The following TMEM120A variants were observed in gnomAD, a reference collection of about 807,000 sequenced individuals.
TMEM120A encodes transmembrane protein 120A, also known as ion channel TACAN.
TMEM120A carries 45 observed loss-of-function variants against 54.3 expected under a neutral mutation model. That is an observed-to-expected ratio of 0.83 (90% CI 0.65 to 1.06). TMEM120A has a LOEUF of 1.06. TMEM120A is among the 50% of genes least tolerant of loss of function. TMEM120A has a pLI of 0.00. For missense variants in TMEM120A, 424 were observed against 441.7 expected (o/e 0.96, Z 0.36); for synonymous variants, 204 against 178.5 (o/e 1.14, Z -1.14).
chr7:75,987,873 C>T, intron 8 of TMEM120A, 50 bp downstream of exon 8: 1 of 1,598,074 alleles, frequency 6.3e-7, no homozygotes, highest in Non-Finnish European at 8.5e-7. Context: ...TGCCCCTGCC[C>T]CCCACCACGG....
Position 75,986,873 on chromosome 7 carries a change from GAGT to G in TMEM120A, c.*296_*298del. ...TTTCTGTATTTGCCTGGTATTGTGTGAGTAGATCTGGGACCTCCACCTGCATCA... is the reference window on the plus strand; with the variant it reads ...TTTCTGTATTTGCCTGGTATTGTGTGAGATCTGGGACCTCCACCTGCATCA... On this transcript the variant is annotated 3_prime_UTR_variant, in exon 12 of 12. Transcript: ENST00000493111. The G allele has an allele frequency of 1.7e-6, 1 of 582,798 alleles. No individual in the cohort carries two copies. Among genetic ancestry groups the G allele is most frequent in the Non-Finnish European group, 3.0e-6 (1 of 330,296 alleles). 36.1% of individuals were successfully genotyped at this position (582,798 alleles called of 1,614,324 possible).
chr7:75,988,516 C>G lies in TMEM120A; in HGVS notation c.378G>C (p.Lys126Asn). The G allele has an allele frequency of 1.2e-6, 2 of 1,603,706 alleles. No individual in the cohort carries two copies. The highest frequency in any genetic ancestry group is 1.7e-6 in the Non-Finnish European group (2 of 1,177,446). Residue 126 changes from lysine to asparagine, a missense_variant and splice_region_variant, in exon 5 of 12, where the codon AAG becomes AAC. By Grantham distance (94) the Lys-to-Asn change is moderately conservative. Coordinates refer to ENST00000493111, the MANE Select transcript of TMEM120A (RefSeq NM_031925.3). ...VNVTLLSKQA[K>N]FAYKDEYEKF... ...TCTCATACTCGTCCTTGTAGGCAAA[C>G]CTGGGGGGCGCAGGCCGGTGAGACG... is the stretch of plus-strand genomic sequence containing the variant.
At chr7:75,991,953 G>A (rs570425030) in intron 3 of TMEM120A, among the ~76,000 whole-genome samples, 191 bp downstream of exon 3, 34 of 152,306 alleles carry the variant, frequency 2.2e-4, no homozygotes, top group South Asian at 1.2e-3. Flanking sequence ...CATTCCCCAT[G>A]CTACAAAGCA....
Position 75,994,538 on chromosome 7 carries a change from G to A in TMEM120A, c.33C>T (p.Asp11=), listed in dbSNP as rs782345653. The change falls in exon 1 of 12, where the codon GAC becomes GAT. Residue 11 remains aspartate (D), a synonymous_variant. Transcript: ENST00000493111. ...GTAGATCCTCCCAGTCCCGCAGGCA[G>A]TCGCCCAGCGGGCCCGGGGGCGGGG... MQPPPPGPLG[D]CLRDWEDLQQ... 2.6e-6 allele frequency: 4 copies of A among 1,561,672 alleles called. No homozygotes were observed. Among genetic ancestry groups the A allele is most frequent in the Non-Finnish European group, 3.5e-6 (4 of 1,154,656 alleles).
At position 75,987,124 on chromosome 7, in the gene TMEM120A, AAC is replaced by A; in HGVS notation, c.*46_*47del. 3 of 1,497,574 alleles carry A rather than the reference AAC, an allele frequency of 2.0e-6. No homozygotes were observed. The highest frequency in any genetic ancestry group is 2.7e-6 in the Non-Finnish European group (3 of 1,096,336). 92.8% of individuals were successfully genotyped at this position (1,497,574 alleles called of 1,614,324 possible). A position where few individuals can be genotyped will look rare whatever the true frequency, so the allele number is the denominator to read the frequency against. ...AGGGGCGCCTCCCATCCCCTCCCAC[AAC>A]ACACAGGACAGAAGCCCCTCTGGGC... On this transcript the variant is annotated 3_prime_UTR_variant, in exon 12 of 12. Coordinates refer to ENST00000493111, the MANE Select transcript of TMEM120A (RefSeq NM_031925.3).
chr7:75,993,414 A>T (rs782584887), intron 1 of TMEM120A, among the ~76,000 whole-genome samples: 1 of 152,222 alleles, frequency 6.6e-6, no homozygotes, highest in Non-Finnish European at 1.5e-5. Flanking sequence ...AGGATTCCCC[A>T]AGCACTTTGC....
chr7:75,992,388 GC>G, intron 2 of TMEM120A, 50 bp downstream of exon 2: 1 of 1,570,326 alleles, frequency 6.4e-7, no homozygotes, highest in South Asian at 1.1e-5. Context: ...CACAGCGCCA[GC>G]CCTCCCACCC....
At chr7:75,989,144 G>C (rs782627303) in intron 4 of TMEM120A, 21 bp downstream of exon 4, 4 of 1,365,338 alleles carry the variant, frequency 2.9e-6, no homozygotes, top group Admixed American at 4.1e-5. Flanking sequence ...AGGTTGGGGG[G>C]TGGAGGCTCG....
chr7:75,991,952 T>C (rs1479004923), intron 3 of TMEM120A, among the ~76,000 whole-genome samples, 192 bp downstream of exon 3: 5 of 152,180 alleles, frequency 3.3e-5, no homozygotes, highest in Middle Eastern at 3.2e-3. Context: ...TCATTCCCCA[T>C]GCTACAAAGC....
rs781833166 is a variant in TMEM120A, at chr7:75,992,233, G to T, written c.228C>A (p.Ala76=). 2 of 1,611,134 alleles carry T rather than the reference G, an allele frequency of 1.2e-6. No individual in the cohort carries two copies. The highest frequency in any genetic ancestry group is 1.7e-6 in the Non-Finnish European group (2 of 1,178,728). The change falls in exon 3 of 12, where the codon GCC becomes GCA. Residue 76 remains alanine (A), a synonymous_variant. Transcript: ENST00000493111. ...TCTCCAGCTCCTGTGCGGCCCCCTC[G>T]GCCTCTGCTGGGAGGGAGGGTTTGC... ...KKCKPSLPAE[A]EGAAQELENQ... is the part of the protein sequence containing the mutation.
intron 9 of TMEM120A, 43 bp from the exon 10 acceptor site, chr7:75,987,645 G>A (rs1554560235): frequency 1.9e-6 from 3 of 1,604,776 alleles, no homozygotes; most frequent in Admixed American, 1.7e-5. Flanking sequence ...CAGGGACAGA[G>A]GGGACGCTAC....
chr7:75,989,345 G>A (rs1453017288), intron 3 of TMEM120A, 121 bp from the exon 4 acceptor site: 46 of 710,128 alleles, frequency 6.5e-5, no homozygotes, highest in East Asian at 1.7e-4. Context: ...GCTGCTTTCC[G>A]CAGGGCCTTG....
intron 3 of TMEM120A, among the ~76,000 whole-genome samples, chr7:75,990,789 C>G (rs1789812926): frequency 6.6e-6 from 1 of 151,338 alleles, no homozygotes; most frequent in Non-Finnish European, 1.5e-5. Flanking sequence ...ATCCCAGCTA[C>G]TCCGGAGGCT....
At chr7:75,992,798 G>GTGTTTT (rs572837198) in intron 1 of TMEM120A, among the ~76,000 whole-genome samples, 10 of 152,206 alleles carry the variant, frequency 6.6e-5, no homozygotes, top group East Asian at 3.9e-4. Flanking sequence ...AACAGACTAG[G>GTGTTTT]TGTTTTTGTT....
In TMEM120A at chr7:75,987,971, T is replaced by C. The variant is rs782158646; in HGVS notation, c.643A>G (p.Met215Val). The C allele has an allele frequency of 2.1e-5, 33 of 1,601,696 alleles. No homozygotes were observed. The highest frequency in any genetic ancestry group is 2.4e-5 in the Non-Finnish European group (28 of 1,174,808). The change falls in exon 8 of 12, where the codon ATG becomes GTG. Residue 215 changes from methionine to valine, a missense_variant. Met to Val is a conservative substitution (Grantham distance 21). Transcript: ENST00000493111. ...AATTGGTTCCGGAATTTCTGGTACA[T>C]GAGACCGTCGGGCCTAAGGTAAAAA... ...GVMLTWPDGL[M>V]YQKFRNQFLS...
rs781815363 is a variant in TMEM120A at position 75,987,498 on chromosome 7, C to T, written c.849+40G>A. 157 of 1,390,328 alleles carry T rather than the reference C, an allele frequency of 1.1e-4. No individual in the cohort carries two copies. In the East Asian group the frequency reaches 1.9e-3, roughly 17 times the overall value. 86.1% of individuals were successfully genotyped at this position (1,390,328 alleles called of 1,614,324 possible). On this transcript the variant is annotated intron_variant, in intron 10 of 11. Transcript: ENST00000493111. ...TGGAGCCCGAAACCGGCGCAGAGGA[C>T]GGACAGACAGACAGGCAGGGACACA...
At chr7:75,989,113 G>GGC in intron 4 of TMEM120A, 52 bp downstream of exon 4, 1 of 343,870 alleles carries the variant, frequency 2.9e-6, no homozygotes, top group Admixed American at 5.1e-5. Context: ...GGGGGGTAGG[G>GGC]GGCTAGGGGT....
chr7:75,989,104 G>GGGGGGAGGGGGGGA (rs1789724064), intron 4 of TMEM120A, 61 bp downstream of exon 4: 94 of 470,534 alleles, frequency 2.0e-4, no homozygotes, highest in Middle Eastern at 5.5e-4. Flanking sequence ...AGGGGGGGAG[G>GGGGGGAGGGGGGGA]GGGGTAGGGG....
At chr7:75,989,040 G>A in intron 4 of TMEM120A, 125 bp downstream of exon 4, 1 of 329,430 alleles carries the variant, frequency 3.0e-6, no homozygotes, top group South Asian at 2.7e-5. Flanking sequence ...CGGGTTGGGG[G>A]GTGGAGGGGA....
Sources: allele counts gnomAD v4.1 joint callset (sites outside exome capture counted in the v4.1 genomes callset), GRCh38; gene constraint gnomAD v4.1.1; transcripts MANE v1.5; gene names NCBI Gene and HGNC (gene_info 2026-07-23, HGNC 2026-07-21).